The following SGCZ variants were observed in gnomAD, a reference collection of about 807,000 sequenced individuals.
SGCZ encodes zeta-sarcoglycan.
In SGCZ, 40 loss-of-function variants were observed where a neutral mutation model predicts 41.3. That is an observed-to-expected ratio of 0.97 (90% CI 0.75 to 1.26). The LOEUF (loss-of-function observed/expected upper bound fraction) is 1.26, where lower values mean the gene tolerates loss of function less well. Among genes scored for constraint, SGCZ ranks in the 50% most tolerant of loss-of-function variants. The pLI, the probability that SGCZ is intolerant of heterozygous loss-of-function variation, is 0.00. For missense variants in SGCZ, 552 were observed against 369.8 expected, an observed-to-expected ratio of 1.49 and a Z score of -4.04; for synonymous variants, 206 against 137.5, an observed-to-expected ratio of 1.50 and a Z score of -3.49.
intron 1 of SGCZ, among the ~76,000 whole-genome samples, chr8:14,736,929 G>A (rs1799053297): frequency 6.6e-6 from 1 of 151,864 alleles, no homozygotes; most frequent in East Asian, 1.9e-4. Flanking sequence ...GCACATGCAT[G>A]TTTATAGCAG....
At chr8:14,687,969 G>A (rs1420694070) in intron 1 of SGCZ, among the ~76,000 whole-genome samples, 2 of 152,140 alleles carry the variant, frequency 1.3e-5, no homozygotes, top group Non-Finnish European at 2.9e-5. Flanking sequence ...TTTTTCATGT[G>A]TTTTTTGGCT....
intron 1 of SGCZ, among the ~76,000 whole-genome samples, chr8:15,225,887 C>T (rs1407822604): frequency 6.6e-6 from 1 of 152,170 alleles, no homozygotes; most frequent in Non-Finnish European, 1.5e-5. Flanking sequence ...CTACCTATTG[C>T]TATCACCAGG....
intron 1 of SGCZ, among the ~76,000 whole-genome samples, chr8:15,107,941 G>C (rs776987709): frequency 2.6e-5 from 4 of 152,112 alleles, no homozygotes; most frequent in Non-Finnish European, 5.9e-5. Context: ...ATCATTATAA[G>C]TTTGTAAGTT....
intron 1 of SGCZ, among the ~76,000 whole-genome samples, chr8:14,764,076 T>C (rs957265480): frequency 6.6e-6 from 1 of 152,146 alleles, no homozygotes; most frequent in African/African-American, 2.4e-5. Context: ...GCATTTTATT[T>C]TGTCAGGAAA....
intron 2 of SGCZ, among the ~76,000 whole-genome samples, chr8:14,341,198 A>G (rs1690769798): frequency 6.6e-6 from 1 of 152,170 alleles, no homozygotes. Flanking sequence ...TTGGGTTGCA[A>G]CCTTCATTTG....
chr8:15,148,821 G>A (rs559300541), intron 1 of SGCZ, among the ~76,000 whole-genome samples: 2 of 152,250 alleles, frequency 1.3e-5, no homozygotes, highest in Admixed American at 6.5e-5. Context: ...CATATTAACT[G>A]CCAGGAAAGA....
intron 1 of SGCZ, among the ~76,000 whole-genome samples, chr8:14,681,193 T>G (rs1217335766): frequency 6.6e-6 from 1 of 152,006 alleles, no homozygotes; most frequent in Non-Finnish European, 1.5e-5. Context: ...TCACAATTTC[T>G]GAAAATCCAT....
At chr8:14,484,398 T>A (rs977834739) in intron 2 of SGCZ, among the ~76,000 whole-genome samples, 1 of 152,160 alleles carries the variant, frequency 6.6e-6, no homozygotes, top group Non-Finnish European at 1.5e-5. Context: ...TAAATAACTT[T>A]TAAATATAGA....
In SGCZ at chr8:14,201,623, T is replaced by C. The variant is rs534226688; in HGVS notation, c.424+35969A>G. ...CGTAGATCTAGAAATTGATGAGAAG[T>C]GTCAGGGGAGTGGATGCTAGGTTTG... On this transcript the variant is annotated intron_variant, in intron 4 of 7. Transcript: ENST00000382080. 2.0e-5 allele frequency among the ~76,000 whole-genome samples: 3 copies of C among 152,236 alleles called. No individual in the cohort carries two copies. In the East Asian group the frequency reaches 5.8e-4, roughly 29 times the overall value.
At chr8:14,496,902 G>C (rs1465232948) in intron 2 of SGCZ, among the ~76,000 whole-genome samples, 2 of 152,026 alleles carry the variant, frequency 1.3e-5, no homozygotes, top group African/African-American at 2.4e-5. Flanking sequence ...TTTTTTCACA[G>C]AGCATAATGT....
At position 14,551,448 on chromosome 8, in the gene SGCZ, ATATATATTATATATATTATATATAT is replaced by A. The variant is rs1803807351; in HGVS notation, c.234+3259_234+3283del. Among the ~76,000 whole-genome samples, 6 of 2,396 alleles carry A rather than the reference ATATATATTATATATATTATATATAT, an allele frequency of 2.5e-3. 1 individual carries two copies. The highest frequency in any genetic ancestry group is 3.0e-3 in the African/African-American group (5 of 1,666). 1.6% of individuals were successfully genotyped at this position (2,396 alleles called of 152,430 possible). A position where few individuals can be genotyped will look rare whatever the true frequency, so the allele number is the denominator to read the frequency against. Reference sequence around the variant, plus strand: ...AAATTTTCCTCTTCAACTATTTCATATATATATTATATATATTATATATATTATATATTATATATATTATATATAT... The same window carrying A: ...AAATTTTCCTCTTCAACTATTTCATATATATATTATATATATTATATATAT... On this transcript the variant is annotated intron_variant, in intron 2 of 7. Transcript: ENST00000382080.
At chr8:14,495,704 G>C (rs1209371230) in intron 2 of SGCZ, among the ~76,000 whole-genome samples, 2 of 152,122 alleles carry the variant, frequency 1.3e-5, no homozygotes, top group Admixed American at 1.3e-4. Context: ...TAATGTCAGA[G>C]GTTCTTCTTC....
At chr8:14,647,886 G>A (rs899609029) in intron 1 of SGCZ, among the ~76,000 whole-genome samples, 1 of 151,858 alleles carries the variant, frequency 6.6e-6, no homozygotes, top group African/African-American at 2.4e-5. Flanking sequence ...TGACCCTTAC[G>A]ACAACATTTC....
chr8:14,145,509 T>C (rs1229357703), intron 5 of SGCZ, among the ~76,000 whole-genome samples: 2 of 152,074 alleles, frequency 1.3e-5, no homozygotes, highest in Admixed American at 1.3e-4. Flanking sequence ...AACAAATACC[T>C]AACTCTTCAA....
At chr8:14,238,794 T>A (rs182976959) in intron 3 of SGCZ, among the ~76,000 whole-genome samples, 2 of 152,214 alleles carry the variant, frequency 1.3e-5, no homozygotes, top group African/African-American at 4.8e-5. Context: ...ACTTGCCCTC[T>A]TGGTGCTTGC....
chr8:15,157,209 C>T (rs1799356733), intron 1 of SGCZ, among the ~76,000 whole-genome samples: 1 of 151,982 alleles, frequency 6.6e-6, no homozygotes, highest in South Asian at 2.1e-4. Flanking sequence ...AAATATTTTT[C>T]CCTACTCACA....
chr8:14,954,970 T>G (rs1207395271), intron 1 of SGCZ, among the ~76,000 whole-genome samples: 1 of 152,202 alleles, frequency 6.6e-6, no homozygotes, highest in Non-Finnish European at 1.5e-5. Context: ...TATAGTATTA[T>G]TACATAATCA....
At chr8:14,654,118 T>C (rs1807486221) in intron 1 of SGCZ, among the ~76,000 whole-genome samples, 1 of 151,896 alleles carries the variant, frequency 6.6e-6, no homozygotes, top group Admixed American at 6.6e-5. Context: ...CATATATATA[T>C]ATACACACAC....
At chr8:14,834,075 G>C (rs1802617550) in intron 1 of SGCZ, among the ~76,000 whole-genome samples, 1 of 152,112 alleles carries the variant, frequency 6.6e-6, no homozygotes, top group Non-Finnish European at 1.5e-5. Flanking sequence ...ATTGCAGTAA[G>C]GCTGAATATA....
Sources: allele counts gnomAD v4.1 joint callset (sites outside exome capture counted in the v4.1 genomes callset), GRCh38; gene constraint gnomAD v4.1.1; transcripts MANE v1.5; gene names NCBI Gene and HGNC (gene_info 2026-07-23, HGNC 2026-07-21).